Variants in AKAP13 observed in about 807,000 individuals in gnomAD.
AKAP13 encodes A-kinase anchor protein 13.
In AKAP13, 80 loss-of-function variants were observed where a neutral mutation model predicts 264.5. The observed-to-expected ratio is 0.30, with a 90% CI of 0.25 to 0.36. The LOEUF (loss-of-function observed/expected upper bound fraction) is 0.36. AKAP13 is among the 10% of genes least tolerant of loss of function. AKAP13 has a pLI of 1.00. For synonymous variants in AKAP13, 1,380 were observed against 1,250.2 expected (o/e 1.10, Z -2.19); for missense variants, 3,712 against 3,435.2 (o/e 1.08, Z -2.01).
chr15:85,439,433 C>G lies in AKAP13; in HGVS notation c.-11-46277C>G, dbSNP rs1239419203. ...GTGGCGATTCCTCAAGGATCTAGAA[C>G]TAGAAATACCATTTGACCCAGCCAT... On this transcript the variant is annotated intron_variant, in intron 1 of 36. Coordinates refer to ENST00000394518, the MANE Select transcript of AKAP13 (RefSeq NM_007200.5). Among the ~76,000 whole-genome samples the G allele has an allele frequency of 7.9e-5, 12 of 152,074 alleles. No individual in the cohort carries two copies. In the South Asian group the frequency reaches 2.5e-3, roughly 32 times the overall value.
intron 16 of AKAP13, among the ~76,000 whole-genome samples, chr15:85,688,025 G>T (rs2085045616): frequency 9.7e-6 from 1 of 102,876 alleles, no homozygotes. Flanking sequence ...GCAAGACCCT[G>T]TCTCTTAAAA....
At chr15:85,503,423 G>A (rs1321023447) in intron 2 of AKAP13, among the ~76,000 whole-genome samples, 1 of 152,194 alleles carries the variant, frequency 6.6e-6, no homozygotes. Context: ...TGTCCATTCT[G>A]TATTGGTACC....
At position 85,741,401 on chromosome 15, in the gene AKAP13, G is replaced by T. The variant is rs773063985; in HGVS notation, c.7964G>T (p.Arg2655Leu). The T allele has an allele frequency of 3.1e-6, 5 of 1,613,738 alleles. No individual in the cohort carries two copies. The highest frequency in any genetic ancestry group is 1.3e-5 in the African/African-American group (1 of 74,932). ...GTYQYDLERL[R>L]AAQKQLEREQ... ...TACCAGTATGACCTGGAGCGACTGC[G>T]TGCTGCCCAGAAACAGCTTGAGAGG... The change falls in exon 35 of 37, where the codon CGT becomes CTT. Residue 2655 changes from arginine to leucine, a missense_variant. Physicochemically the swap from Arg to Leu is moderately radical, Grantham distance 102. This residue lies in a region of AKAP13 where 611 missense variants were observed against 539.3 expected (regional missense o/e 1.13). Coordinates refer to ENST00000394518, the MANE Select transcript of AKAP13 (RefSeq NM_007200.5).
intron 8 of AKAP13, among the ~76,000 whole-genome samples, chr15:85,590,866 G>C (rs2079552616): frequency 6.6e-6 from 1 of 152,052 alleles, no homozygotes; most frequent in Admixed American, 6.5e-5. Context: ...ACTTAGATCA[G>C]AGCCTGGCAC....
chr15:85,445,148 C>T (rs2073854960), intron 1 of AKAP13, among the ~76,000 whole-genome samples: 1 of 152,120 alleles, frequency 6.6e-6, no homozygotes, highest in Admixed American at 6.5e-5. Flanking sequence ...CAAAACAGTT[C>T]TTTGGAATGA....
At chr15:85,436,816 C>A (rs1285174590) in intron 1 of AKAP13, among the ~76,000 whole-genome samples, 1 of 151,922 alleles carries the variant, frequency 6.6e-6, no homozygotes, top group Non-Finnish European at 1.5e-5. Context: ...GCATTCAAAG[C>A]AGTGTGTAGA....
At chr15:85,605,392 T>A (rs1483038888) in intron 8 of AKAP13, among the ~76,000 whole-genome samples, 1 of 152,182 alleles carries the variant, frequency 6.6e-6, no homozygotes, top group East Asian at 1.9e-4. Flanking sequence ...AAACACTGCA[T>A]GTTCTCACTT....
In AKAP13 at chr15:85,650,501, G is replaced by C. The variant is rs2082753733; in HGVS notation, c.4374+4547G>C. 1.3e-5 allele frequency among the ~76,000 whole-genome samples: 2 copies of C among 151,708 alleles called. 1 individual carries two copies. ...AATGACAATTGCGGCTGGGCGTGGT[G>C]GCTCATGCCTTTGAGAGGCCGAGGC... On this transcript the variant is annotated intron_variant, in intron 10 of 36. Transcript: ENST00000394518.
chr15:85,504,536 G>C (rs1036501846), intron 2 of AKAP13, among the ~76,000 whole-genome samples: 2 of 80,226 alleles, frequency 2.5e-5, no homozygotes, highest in African/African-American at 4.8e-5. Context: ...AAAAAAAAAA[G>C]AAAAAATTAG....
At chr15:85,613,713 T>TATATATATGTATG (rs1254657975) in intron 8 of AKAP13, among the ~76,000 whole-genome samples, 2 of 111,018 alleles carry the variant, frequency 1.8e-5, no homozygotes, top group Non-Finnish European at 3.9e-5. Flanking sequence ...TATATATATA[T>TATATATATGTATG]TAGGAGTGCT....
chr15:85,460,307 G>T (rs1260713763), intron 1 of AKAP13, among the ~76,000 whole-genome samples: 1 of 152,098 alleles, frequency 6.6e-6, no homozygotes, highest in Non-Finnish European at 1.5e-5. Flanking sequence ...ATTTGTACAG[G>T]CTGTTTATTC....
chr15:85,592,350 T>C (rs1215993218), intron 8 of AKAP13, among the ~76,000 whole-genome samples: 2 of 152,212 alleles, frequency 1.3e-5, no homozygotes, highest in Admixed American at 6.5e-5. Flanking sequence ...CATGCTCAGC[T>C]GCCGTGGGAA....
At chr15:85,589,825 T>C (rs1007915963) in intron 8 of AKAP13, among the ~76,000 whole-genome samples, 1 of 151,212 alleles carries the variant, frequency 6.6e-6, no homozygotes, top group Non-Finnish European at 1.5e-5. Context: ...TGTGCACCAG[T>C]GGAAGAAAAG....
chr15:85,390,532 G>C (rs1454882610), intron 1 of AKAP13, among the ~76,000 whole-genome samples: 1 of 151,780 alleles, frequency 6.6e-6, no homozygotes, highest in Admixed American at 6.6e-5. Context: ...TAGGCTCTTA[G>C]GTATGGTGGG....
intron 3 of AKAP13, among the ~76,000 whole-genome samples, chr15:85,530,683 G>C (rs925349612): frequency 2.6e-5 from 4 of 152,130 alleles, no homozygotes; most frequent in African/African-American, 9.7e-5. Flanking sequence ...TTGGATAAAT[G>C]GGACAATGCT....
chr15:85,672,351 C>T (rs1320279838), intron 14 of AKAP13, among the ~76,000 whole-genome samples: 2 of 152,166 alleles, frequency 1.3e-5, no homozygotes, highest in Non-Finnish European at 2.9e-5. Flanking sequence ...AATAGTTTCC[C>T]ACCTGTATTT....
At chr15:85,653,060 A>C (rs776594786) in intron 10 of AKAP13, among the ~76,000 whole-genome samples, 10 of 152,220 alleles carry the variant, frequency 6.6e-5, no homozygotes, top group Non-Finnish European at 1.2e-4. Context: ...GAGACCATTT[A>C]CATTGTCCTT....
In AKAP13 at chr15:85,533,720, T is replaced by G; in HGVS notation, c.318T>G (p.Ser106Arg). The stretch of plus-strand genomic sequence containing the variant: ...ATGCAGCTCAATTCCTAGCAACCAG[T>G]GCTGGAAATCAGCAGGCTTTGAACT... The part of the protein sequence containing the change: ...AYDAAQFLAT[S>R]AGNQQALNFT... The change falls in exon 4 of 37, where the codon AGT becomes AGG. Residue 106 changes from serine to arginine, a missense_variant. Coordinates refer to ENST00000394518, the MANE Select transcript of AKAP13 (RefSeq NM_007200.5). The G allele has an allele frequency of 6.2e-7, 1 of 1,614,204 alleles. No individual in the cohort carries two copies.
rs372526466 is a variant in AKAP13 at position 85,560,546 on chromosome 15, G to A, written c.663-14585G>A. Among the ~76,000 whole-genome samples the A allele has an allele frequency of 5.3e-5, 8 of 152,168 alleles. No individual in the cohort carries two copies. The East Asian group carries it at 9.6e-4, about 18-fold the overall frequency. ...ATTATCAGATATTACCTCCCATATT[G>A]TATGGAATTTTTAATAACAGTTGTA... On this transcript the variant is annotated intron_variant, in intron 5 of 36. Transcript: ENST00000394518.
Sources: allele counts gnomAD v4.1 joint callset (sites outside exome capture counted in the v4.1 genomes callset), GRCh38; gene constraint gnomAD v4.1.1; regional missense constraint gnomAD v4.1.1; transcripts MANE v1.5; gene names NCBI Gene and HGNC (gene_info 2026-07-23, HGNC 2026-07-21).